NCOA4: variants seen among roughly 807,000 people sequenced by gnomAD.
NCOA4 encodes the protein nuclear receptor coactivator 4, also known as 70 kDa AR-activator.
NCOA4 carries 31 observed loss-of-function variants against 69.5 expected under a neutral mutation model. The ratio of observed to expected loss-of-function variants is 0.45; its 90% CI spans 0.34 to 0.60. NCOA4 has a LOEUF of 0.60. NCOA4 is among the 20% of genes least tolerant of loss of function. The pLI, the probability that NCOA4 is intolerant of heterozygous loss-of-function variation, is 0.02. For missense variants in NCOA4, 600 were observed against 719.2 expected (o/e 0.83, Z 1.90); for synonymous variants, 228 against 252.4 (o/e 0.90, Z 0.92).
rs561516928 is a variant in NCOA4, at chr10:46,010,875, T to G, written c.1046A>C (p.Asn349Thr). 2 of 1,613,960 alleles carry G rather than the reference T, an allele frequency of 1.2e-6. No individual in the cohort carries two copies. Among genetic ancestry groups the G allele is most frequent in the Non-Finnish European group, 1.7e-6 (2 of 1,179,858 alleles). ...DWLVKTDSCTNCQGNQPKGVE... is the reference protein window; with the variant it reads ...DWLVKTDSCTTCQGNQPKGVE... The stretch of plus-strand genomic sequence containing the variant: ...ACCTTTGGGCTGGTTTCCCTGACAG[T>G]TGGTACAGGAGTCAGTCTTGACAAG... Residue 349 changes from asparagine to threonine, a missense_variant, in exon 8 of 10, where the codon AAC (asparagine) becomes ACC (threonine). By Grantham distance (65) the Asn-to-Thr change is moderately conservative. Transcript: ENST00000581486.
rs570428586 is a variant in NCOA4 at position 46,027,342 on chromosome 10, A to G, written c.-15+3184T>C. ...TTCATATCAGAAGTTAAGCATTGCA[A>G]TGTTATGATTTAACAATCAAAGAAG... is the stretch of plus-strand genomic sequence containing the variant. On this transcript the variant is annotated intron_variant, in intron 1 of 9. Coordinates refer to ENST00000581486, the MANE Select transcript of NCOA4 (RefSeq NM_001145263.2). 7 of 1,156,100 alleles carry G rather than the reference A, an allele frequency of 6.1e-6. No homozygotes were observed. The East Asian group carries it at 1.3e-4, about 21-fold the overall frequency. The allele number at this position is 1,156,100 out of a possible 1,614,324, so 71.6% of individuals were successfully genotyped here.
chr10:46,019,367 A>G (rs1839738527), intron 1 of NCOA4: 24 of 985,326 alleles, frequency 2.4e-5, no homozygotes, highest in Non-Finnish European at 2.9e-5. Flanking sequence ...GGAGAGCTGG[A>G]GCGTGATGGG....
chr10:46,023,606 G>T, intron 1 of NCOA4: 1 of 864,176 alleles, frequency 1.2e-6, no homozygotes, highest in Non-Finnish European at 1.4e-6. Context: ...CCTGCTAGAC[G>T]CCTGCTGCCC....
chr10:46,014,324 T>G, intron 5 of NCOA4, 120 bp downstream of exon 5: 1 of 742,798 alleles, frequency 1.3e-6, no homozygotes, highest in South Asian at 1.8e-5. Flanking sequence ...GCTGAGAACA[T>G]GAAATTTTTG....
rs782025242 is a variant in NCOA4 at position 46,016,576 on chromosome 10, G to A, written c.105C>T (p.Leu35=). ...TATCTTTAATTTGCTGTTCAGCCCG[G>A]AGAACTCCACCAATAGCAAGCTCCA... ...RDLELAIGGV[L]RAEQQIKDNL... is the part of the protein sequence containing the mutation. The change falls in exon 2 of 10, where the codon CTC becomes CTT. Residue 35 remains leucine (L), a synonymous_variant. Transcript: ENST00000581486. The A allele has an allele frequency of 2.6e-6, 4 of 1,556,084 alleles. No homozygotes were observed. The highest frequency in any genetic ancestry group is 3.5e-6 in the Non-Finnish European group (4 of 1,144,520).
chr10:46,013,565 G>A lies in NCOA4; in HGVS notation c.555C>T (p.Ile185=), dbSNP rs782624318. The change falls in exon 6 of 10, where the codon ATC becomes ATT. Residue 185 remains isoleucine, a synonymous_variant. Coordinates refer to ENST00000581486, the MANE Select transcript of NCOA4 (RefSeq NM_001145263.2). ...GATATTTTACCTGCTCTGGCATGGA[G>A]ATACAGCCTCTCTTCTCCAGGAAGG... ...IGPFLEKRGC[I]SMPEQKSASG... is the part of the protein sequence containing the mutation. The A allele has an allele frequency of 1.9e-6, 3 of 1,611,606 alleles. No individual in the cohort carries two copies. Among genetic ancestry groups the A allele is most frequent in the South Asian group, 1.1e-5 (1 of 90,912 alleles).
intron 1 of NCOA4, among the ~76,000 whole-genome samples, chr10:46,027,921 AT>A (rs1234534846): frequency 1.3e-5 from 2 of 152,260 alleles, no homozygotes; most frequent in African/African-American, 4.8e-5. Context: ...ATTAAGAGCT[AT>A]AGAAGTATTA....
chr10:46,006,530 A>T lies in NCOA4; in HGVS notation c.*62T>A. 6.3e-7 allele frequency: 1 copy of T among 1,588,700 alleles called. No individual in the cohort carries two copies. On this transcript the variant is annotated 3_prime_UTR_variant, in exon 10 of 10. Transcript: ENST00000581486. ...GAAACACAAAGATTTGGCAAGCTGCAGTCACTCAGCTCATGATGTGTGATA... is the reference window on the plus strand; with the variant it reads ...GAAACACAAAGATTTGGCAAGCTGCTGTCACTCAGCTCATGATGTGTGATA...
chr10:46,025,385 C>T (rs1840105413), intron 1 of NCOA4, among the ~76,000 whole-genome samples: 1 of 152,180 alleles, frequency 6.6e-6, no homozygotes, highest in Admixed American at 6.5e-5. Flanking sequence ...ATTCACACCC[C>T]AATATCCTCT....
chr10:46,010,444 G>A lies in NCOA4; in HGVS notation c.1477C>T (p.Pro493Ser). The stretch of plus-strand genomic sequence containing the variant: ...GGCCTGATAAGCCACTCCGACAAGG[G>A]GCTGTTCTTTATGACTTGGAAGGAA... ...ADSFQVIKNS[P>S]LSEWLIRPPY... The change falls in exon 8 of 10, where the codon CCC becomes TCC. Residue 493 changes from proline (P) to serine (S), a missense_variant. Transcript: ENST00000581486. 6.2e-7 allele frequency: 1 copy of A among 1,614,164 alleles called. No individual in the cohort carries two copies. The highest frequency in any genetic ancestry group is 2.2e-5 in the East Asian group (1 of 44,882).
At chr10:46,027,431 C>A in intron 1 of NCOA4, 1 of 1,551,444 alleles carries the variant, frequency 6.4e-7, no homozygotes, top group Non-Finnish European at 8.7e-7. Context: ...TTAATGCCTA[C>A]CAGCTAGAGC....
At position 46,010,980 on chromosome 10, in the gene NCOA4, A is replaced by G; in HGVS notation, c.941T>C (p.Leu314Pro). 3 of 1,613,998 alleles carry G rather than the reference A, an allele frequency of 1.9e-6. No homozygotes were observed. The highest frequency in any genetic ancestry group is 2.5e-6 in the Non-Finnish European group (3 of 1,179,858). The stretch of plus-strand genomic sequence containing the variant: ...ACGACTGCCATTCTCAGGCTTCCGC[A>G]GCTTATGGGATTCCTGGGGAGTCAC... The part of the protein sequence containing the change: ...WLVTPQESHK[L>P]RKPENGSRET... The change falls in exon 8 of 10, where the codon CTG (leucine) becomes CCG (proline). Residue 314 changes from leucine to proline, a missense_variant. Leu to Pro is a moderately conservative substitution (Grantham distance 98, BLOSUM62 -3). Transcript: ENST00000581486.
chr10:46,016,843 T>C, intron 1 of NCOA4, 149 bp from the exon 2 acceptor site: 1 of 449,746 alleles, frequency 2.2e-6, no homozygotes, highest in Non-Finnish European at 3.7e-6. Flanking sequence ...TAAGATACTC[T>C]TAATAAATAT....
intron 9 of NCOA4, among the ~76,000 whole-genome samples, chr10:46,008,560 T>TA (rs1294627446): frequency 3.3e-5 from 5 of 152,218 alleles, no homozygotes; most frequent in Non-Finnish European, 7.3e-5. Flanking sequence ...AGTTGCTTCT[T>TA]ACGGATGAGC....
intron 1 of NCOA4, chr10:46,022,468 GTTT>G: frequency 2.4e-6 from 1 of 415,684 alleles, no homozygotes; most frequent in South Asian, 1.8e-5. Context: ...TTGGTTTTGG[GTTT>G]TTTTTTTGTT....
intron 2 of NCOA4, among the ~76,000 whole-genome samples, chr10:46,015,830 A>G (rs1839508636): frequency 6.6e-6 from 1 of 152,230 alleles, no homozygotes; most frequent in Non-Finnish European, 1.5e-5. Flanking sequence ...CAACAGCTAA[A>G]AGACCATTAG....
At chr10:46,019,053 G>A (rs527265643) in intron 1 of NCOA4, among the ~76,000 whole-genome samples, 13 of 152,290 alleles carry the variant, frequency 8.5e-5, no homozygotes, top group African/African-American at 2.9e-4. Flanking sequence ...TCAGGAACTA[G>A]AGTTTCCACA....
Position 46,010,736 on chromosome 10 carries a change from C to T in NCOA4, c.1185G>A (p.Gln395=). The part of the protein sequence containing the change: ...VTEDWLVQNH[Q]DPCKVEEVCR... ...ACACCTCCTCTACCTTACATGGGTC[C>T]TGATGGTTCTGGACAAGCCAATCCT... is the stretch of plus-strand genomic sequence containing the variant. The change falls in exon 8 of 10, where the codon CAG becomes CAA. Residue 395 remains glutamine, a synonymous_variant. Transcript: ENST00000581486. 9.9e-6 allele frequency: 16 copies of T among 1,613,928 alleles called. No homozygotes were observed. Among genetic ancestry groups the T allele is most frequent in the Non-Finnish European group, 1.4e-5 (16 of 1,179,876 alleles).
intron 3 of NCOA4, 81 bp from the exon 4 acceptor site, chr10:46,015,023 T>C: frequency 6.3e-7 from 1 of 1,588,804 alleles, no homozygotes; most frequent in Non-Finnish European, 8.6e-7. Context: ...GCACTTGAGA[T>C]TAAACTTCTA....
Sources: gnomAD v4.1 joint callset for allele counts (sites outside exome capture counted in the v4.1 genomes callset) on GRCh38, gnomAD v4.1.1 for gene constraint, MANE v1.5 for transcripts, NCBI Gene and HGNC (gene_info 2026-07-23, HGNC 2026-07-21) for gene names.